SORCS1: variants seen among roughly 807,000 people sequenced by gnomAD.
The protein encoded by SORCS1 is sortilin related VPS10 domain containing receptor 1, also known as VPS10 domain-containing receptor SorCS1.
SORCS1 carries 60 observed loss-of-function variants against 146.1 expected under a neutral mutation model. The observed-to-expected ratio is 0.41, with a 90% confidence interval of 0.33 to 0.51. The LOEUF (loss-of-function observed/expected upper bound fraction) is 0.51, where lower values mean the gene tolerates loss of function less well. SORCS1 is among the 20% of genes least tolerant of loss of function. SORCS1 has a pLI of 0.21. For synonymous variants in SORCS1, 637 were observed against 584.0 expected (o/e 1.09, Z -1.31); for missense variants, 1,352 against 1,487.6 (o/e 0.91, Z 1.50).
chr10:106,689,526 T>C (rs928467260), intron 9 of SORCS1, among the ~76,000 whole-genome samples: 19 of 152,160 alleles, frequency 1.2e-4, no homozygotes, highest in African/African-American at 4.3e-4. Context: ...GCAAGCCTAT[T>C]TGAACCTACT....
At chr10:106,958,797 C>T (rs775072726) in intron 1 of SORCS1, among the ~76,000 whole-genome samples, 9 of 152,164 alleles carry the variant, frequency 5.9e-5, no homozygotes, top group Admixed American at 3.3e-4. Context: ...TTAAGTCGCT[C>T]TCAGTGCTAA....
chr10:106,888,018 T>G (rs1951070218), intron 2 of SORCS1, among the ~76,000 whole-genome samples: 1 of 152,202 alleles, frequency 6.6e-6, no homozygotes, highest in Admixed American at 6.5e-5. Flanking sequence ...CCCAACTCCT[T>G]GGGCCTTAGT....
At chr10:106,626,647 A>G (rs1404615474) in intron 19 of SORCS1, among the ~76,000 whole-genome samples, 3 of 152,220 alleles carry the variant, frequency 2.0e-5, no homozygotes, top group Non-Finnish European at 4.4e-5. Context: ...TCCATCTGAA[A>G]GAAAAGGCCA....
intron 17 of SORCS1, among the ~76,000 whole-genome samples, chr10:106,664,470 A>G (rs1024819447): frequency 6.6e-6 from 1 of 152,002 alleles, no homozygotes; most frequent in African/African-American, 2.4e-5. Flanking sequence ...GTGAAACCCC[A>G]TCTCTAGTAA....
intron 19 of SORCS1, among the ~76,000 whole-genome samples, chr10:106,627,386 C>T (rs1848174995): frequency 6.6e-6 from 1 of 152,166 alleles, no homozygotes; most frequent in Admixed American, 6.6e-5. Context: ...AGCTAGCTCT[C>T]TAGCAAAATC....
rs1246996179 is a variant in SORCS1, at chr10:106,760,694, AACACACACACACACTAACACAC to A, written c.959+872_959+893del. Among the ~76,000 whole-genome samples the A allele has an allele frequency of 1.2e-4, 16 of 134,690 alleles. No homozygotes were observed. In the South Asian group the frequency reaches 3.8e-3, roughly 32 times the overall value. The allele number at this position is 134,690 out of a possible 152,430, so 88.4% of individuals were successfully genotyped here. ...AGCAAAGTAAGACTACATACACACA[AACACACACACACACTAACACAC>A]ACACACACACACACACACACGCACA... On this transcript the variant is annotated intron_variant, in intron 5 of 25. Coordinates refer to ENST00000263054, the MANE Select transcript of SORCS1 (RefSeq NM_052918.5).
intron 1 of SORCS1, among the ~76,000 whole-genome samples, chr10:107,106,392 T>C (rs1309577823): frequency 6.6e-6 from 1 of 152,246 alleles, no homozygotes; most frequent in Non-Finnish European, 1.5e-5. Context: ...TAAATAGATG[T>C]TATGAACAGA....
chr10:106,830,003 T>C (rs549091103), intron 2 of SORCS1, among the ~76,000 whole-genome samples: 1 of 152,336 alleles, frequency 6.6e-6, no homozygotes, highest in African/African-American at 2.4e-5. Context: ...TAGTCAGATA[T>C]GACATTTCCA....
At chr10:106,788,847 C>T (rs920249938) in intron 3 of SORCS1, among the ~76,000 whole-genome samples, 35 of 152,208 alleles carry the variant, frequency 2.3e-4, no homozygotes, top group Admixed American at 1.8e-3. Context: ...CACCAATAGG[C>T]AGTGCCCCAG....
intron 2 of SORCS1, among the ~76,000 whole-genome samples, chr10:106,867,441 C>A (rs773021558): frequency 2.6e-5 from 4 of 152,126 alleles, no homozygotes; most frequent in Non-Finnish European, 5.9e-5. Context: ...CCCACCACCA[C>A]GCCCGGCTAA....
At chr10:107,082,465 CTTT>C (rs530813553) in intron 1 of SORCS1, among the ~76,000 whole-genome samples, 1 of 151,278 alleles carries the variant, frequency 6.6e-6, no homozygotes, top group Non-Finnish European at 1.5e-5. Flanking sequence ...CTTCTCCTTT[CTTT>C]TTTTTTCTTT....
intron 1 of SORCS1, among the ~76,000 whole-genome samples, chr10:107,158,069 A>G (rs1365080223): frequency 6.6e-6 from 1 of 152,228 alleles, no homozygotes; most frequent in African/African-American, 2.4e-5. Flanking sequence ...CTGAACAGTG[A>G]TCTCTCTCAC....
chr10:106,732,912 A>T (rs1269892861), intron 5 of SORCS1, among the ~76,000 whole-genome samples: 1 of 152,050 alleles, frequency 6.6e-6, no homozygotes, highest in Admixed American at 6.6e-5. Flanking sequence ...TGAGGTCAAG[A>T]GATTGAGACC....
At chr10:106,740,286 G>A (rs1017053517) in intron 5 of SORCS1, among the ~76,000 whole-genome samples, 10 of 152,168 alleles carry the variant, frequency 6.6e-5, no homozygotes, top group Non-Finnish European at 1.3e-4. Context: ...GTGCAGGTAA[G>A]TCACCATGGA....
intron 1 of SORCS1, among the ~76,000 whole-genome samples, chr10:106,964,202 C>T (rs1352444497): frequency 6.6e-6 from 1 of 152,224 alleles, no homozygotes; most frequent in Non-Finnish European, 1.5e-5. Flanking sequence ...CAGAGATAGG[C>T]TTTGGCACTA....
chr10:106,961,677 C>T (rs1399049638), intron 1 of SORCS1, among the ~76,000 whole-genome samples: 2 of 152,130 alleles, frequency 1.3e-5, no homozygotes, highest in Non-Finnish European at 2.9e-5. Context: ...CTCTAGTTGC[C>T]CTCACTGCTC....
intron 23 of SORCS1, chr10:106,600,764 G>A (rs1211016139): frequency 1.0e-6 from 1 of 967,980 alleles, no homozygotes; most frequent in Non-Finnish European, 1.2e-6. Context: ...TATTTGAAGA[G>A]TTGAGACTAG....
At chr10:106,667,639 T>C (rs372568894) in intron 17 of SORCS1, 50 bp downstream of exon 17, 11 of 1,290,930 alleles carry the variant, frequency 8.5e-6, no homozygotes, top group Non-Finnish European at 1.1e-5. Context: ...TAACACGTGC[T>C]GAAAGGCAGC....
At chr10:106,591,680 A>G (rs1426208802) in intron 24 of SORCS1, among the ~76,000 whole-genome samples, 1 of 152,224 alleles carries the variant, frequency 6.6e-6, no homozygotes, top group African/African-American at 2.4e-5. Context: ...ACTATATCCA[A>G]AAGAAATTAA....
Sources: allele counts gnomAD v4.1 joint callset (sites outside exome capture counted in the v4.1 genomes callset), GRCh38; gene constraint gnomAD v4.1.1; transcripts MANE v1.5; gene names NCBI Gene and HGNC (gene_info 2026-07-23, HGNC 2026-07-21).